The following GRHPR variants were observed in gnomAD, a reference collection of about 807,000 sequenced individuals.
GRHPR encodes glyoxylate and hydroxypyruvate reductase.
GRHPR carries 35 observed loss-of-function variants against 36.8 expected under a neutral mutation model. The observed-to-expected ratio is 0.95, with a 90% CI of 0.73 to 1.26. GRHPR has a LOEUF of 1.26. Among genes scored for constraint, GRHPR ranks in the 50% most tolerant of loss-of-function variants. The pLI is 0.00. For synonymous variants in GRHPR, 179 were observed against 181.0 expected (o/e 0.99, Z 0.09); for missense variants, 380 against 435.0 (o/e 0.87, Z 1.12).
chr9:37,435,905 T>G (rs1428247220), intron 8 of GRHPR, among the ~76,000 whole-genome samples: 2 of 152,078 alleles, frequency 1.3e-5, no homozygotes, highest in Non-Finnish European at 2.9e-5. Flanking sequence ...CTGGAGTAGG[T>G]GGGACTACAG....
intron 6 of GRHPR, chr9:37,430,276 C>A: frequency 1.6e-6 from 1 of 608,146 alleles, no homozygotes; most frequent in East Asian, 2.9e-5. Flanking sequence ...CTCAAGCATT[C>A]CCCACGCCCC....
chr9:37,424,922 G>T lies in GRHPR; in HGVS notation c.161G>T (p.Gly54Val). 1 of 1,612,332 alleles carries T rather than the reference G, an allele frequency of 6.2e-7. No individual in the cohort carries two copies. Among genetic ancestry groups the T allele is most frequent in the Non-Finnish European group, 8.5e-7 (1 of 1,179,846 alleles). ...GAGCGAGGTGTGGCGGGGGCCCACG[G>T]CCTGCTCTGCCTCCTCTCCGACCAC... ...ELERGVAGAHGLLCLLSDHVD... is the reference protein window; with the variant it reads ...ELERGVAGAHVLLCLLSDHVD... Residue 54 changes from glycine to valine, a missense_variant, in exon 2 of 9, where the codon GGC (glycine) becomes GTC (valine). Coordinates refer to ENST00000318158, the MANE Select transcript of GRHPR (RefSeq NM_012203.2).
At chr9:37,423,317 A>T (rs1822930939) in intron 1 of GRHPR, among the ~76,000 whole-genome samples, 1 of 147,946 alleles carries the variant, frequency 6.8e-6, no homozygotes, top group African/African-American at 2.5e-5. Context: ...ACAGGCGCAA[A>T]CAATCACTAC....
chr9:37,436,430 C>T (rs181679220), intron 8 of GRHPR, among the ~76,000 whole-genome samples: 4 of 152,312 alleles, frequency 2.6e-5, no homozygotes, highest in Admixed American at 2.6e-4. Context: ...AATCTTTCAT[C>T]ACATTGTGAC....
At chr9:37,432,179 G>C in intron 8 of GRHPR, 41 bp downstream of exon 8, 8 of 1,609,102 alleles carry the variant, frequency 5.0e-6, no homozygotes, top group Non-Finnish European at 6.8e-6. Flanking sequence ...CTGCTGCCCT[G>C]CAGGACCAGT....
At chr9:37,437,801 C>A (rs558780138), downstream of GRHPR, among the ~76,000 whole-genome samples, 5 of 152,136 alleles carry the variant, frequency 3.3e-5, no homozygotes, top group Non-Finnish European at 7.3e-5. Context: ...CTCTTCCCAG[C>A]AGCCAAGCCA....
At chr9:37,436,443 G>A (rs941610207) in intron 8 of GRHPR, among the ~76,000 whole-genome samples, 16 of 152,128 alleles carry the variant, frequency 1.1e-4, no homozygotes, top group African/African-American at 3.9e-4. Context: ...ATTGTGACTG[G>A]GTTTTAGTAG....
intron 8 of GRHPR, chr9:37,434,043 T>G: frequency 5.2e-6 from 1 of 193,972 alleles, no homozygotes; most frequent in Non-Finnish European, 8.7e-6. Flanking sequence ...ACCCCCACCC[T>G]AGGTCCTGGA....
At chr9:37,436,550 G>T in intron 8 of GRHPR, 111 bp from the exon 9 acceptor site, 1 of 1,134,486 alleles carries the variant, frequency 8.8e-7, no homozygotes, top group South Asian at 1.2e-5. Context: ...GAACCATGAG[G>T]TAGTCTCTCT....
chr9:37,434,232 C>A, intron 8 of GRHPR: 2 of 403,864 alleles, frequency 5.0e-6, no homozygotes, highest in Middle Eastern at 6.1e-4. Context: ...GTAAAAAGAC[C>A]ATGCAGCTCC....
At chr9:37,425,131 C>T (rs543230190) in intron 2 of GRHPR, among the ~76,000 whole-genome samples, 156 bp downstream of exon 2, 4 of 152,362 alleles carry the variant, frequency 2.6e-5, no homozygotes, top group South Asian at 2.1e-4. Context: ...TGCTCTGGCA[C>T]AGGCACTGCC....
At chr9:37,428,631 TGG>T (rs769852092) in intron 5 of GRHPR, 59 bp downstream of exon 5, 1 of 1,091,408 alleles carries the variant, frequency 9.2e-7, no homozygotes, top group East Asian at 2.3e-5. Context: ...TTTGCATCCC[TGG>T]CACCACGTGT....
chr9:37,425,375 G>A (rs1435895081), intron 2 of GRHPR, among the ~76,000 whole-genome samples: 4 of 152,238 alleles, frequency 2.6e-5, no homozygotes, highest in East Asian at 3.8e-4. Flanking sequence ...CCGCAGCCAC[G>A]GGTCTCAGCC....
chr9:37,436,629 T>C (rs1268925188), intron 8 of GRHPR, 32 bp from the exon 9 acceptor site: 2 of 1,609,040 alleles, frequency 1.2e-6, no homozygotes, highest in African/African-American at 2.7e-5. Flanking sequence ...CCACCCTTCT[T>C]ATCTCCCTCT....
In GRHPR at chr9:37,422,871, G is replaced by T. The variant is rs779766884; in HGVS notation, c.83+38G>T. ...CGCGCCGTGGAGGAGGGAGCAGGGCGGTCCCAGGGACCGGAGAGCCGGGCG... is the reference window on the plus strand; with the variant it reads ...CGCGCCGTGGAGGAGGGAGCAGGGCTGTCCCAGGGACCGGAGAGCCGGGCG... On this transcript the variant is annotated intron_variant, in intron 1 of 8. Coordinates refer to ENST00000318158, the MANE Select transcript of GRHPR (RefSeq NM_012203.2). 5 of 1,464,088 alleles carry T rather than the reference G, an allele frequency of 3.4e-6. No homozygotes were observed. In the South Asian group the frequency reaches 4.8e-5, roughly 14 times the overall value. The allele number at this position is 1,464,088 out of a possible 1,614,324, so 90.7% of individuals were successfully genotyped here. A position where few individuals can be genotyped will look rare whatever the true frequency, so the allele number is the denominator to read the frequency against.
In GRHPR at chr9:37,428,464, G is replaced by A. The variant is rs752806700; in HGVS notation, c.405-20G>A. ...TGGTCCAAGGCTGGGCCTCTCACCTGCCCCTCTCTCTCCCCTCAGTGGTGG... is the reference window on the plus strand; with the variant it reads ...TGGTCCAAGGCTGGGCCTCTCACCTACCCCTCTCTCTCCCCTCAGTGGTGG... On this transcript the variant is annotated intron_variant, in intron 4 of 8. Transcript: ENST00000318158. 13 of 1,544,814 alleles carry A rather than the reference G, an allele frequency of 8.4e-6. No individual in the cohort carries two copies. The South Asian group carries it at 1.0e-4, about 12-fold the overall frequency.
chr9:37,422,578 C>T (rs1341230638), upstream of GRHPR: 2 of 657,650 alleles, frequency 3.0e-6, no homozygotes, highest in Non-Finnish European at 5.5e-6. Flanking sequence ...TCCCCGAGCA[C>T]GCACAGTCAC....
chr9:37,427,857 A>C (rs1823158035), intron 4 of GRHPR: 1 of 152,692 alleles, frequency 6.5e-6, no homozygotes. Context: ...AAAAAAAAAA[A>C]GTTGGGGGAA....
At chr9:37,438,898 G>A (rs1823792492), downstream of GRHPR, 1 of 152,206 alleles carries the variant, frequency 6.6e-6, no homozygotes, top group Non-Finnish European at 1.5e-5. Flanking sequence ...GTCCATGGGA[G>A]ATGCCAAGCG....
Sources: allele counts gnomAD v4.1 joint callset (sites outside exome capture counted in the v4.1 genomes callset), GRCh38; gene constraint gnomAD v4.1.1; transcripts MANE v1.5; gene names NCBI Gene and HGNC (gene_info 2026-07-23, HGNC 2026-07-21).